Variants in KIF3C observed in about 807,000 individuals in gnomAD.
KIF3C encodes the protein kinesin family member 3C, also known as kinesin-like protein KIF3C.
Under a neutral mutation model 67.7 loss-of-function variants are expected in KIF3C, and 12 were observed. The ratio of observed to expected loss-of-function variants is 0.18; its 90% CI spans 0.11 to 0.29. The LOEUF (loss-of-function observed/expected upper bound fraction) is 0.29. Ranked by LOEUF, KIF3C falls within the 10% of genes least tolerant of loss-of-function variation. KIF3C has a pLI of 1.00. For synonymous variants in KIF3C, 393 were observed against 426.2 expected, an observed-to-expected ratio of 0.92 and a Z score of 0.96; for missense variants, 789 against 1,059.6, an observed-to-expected ratio of 0.74 and a Z score of 3.55.
chr2:25,946,381 C>T (rs1303269218), intron 5 of KIF3C, among the ~76,000 whole-genome samples: 2 of 151,618 alleles, frequency 1.3e-5, no homozygotes, highest in Non-Finnish European at 2.9e-5. Context: ...ATGGTAAAAC[C>T]CCATCTCTAC....
chr2:25,962,930 T>TATATATAATATATA (rs1664011719), intron 1 of KIF3C, among the ~76,000 whole-genome samples: 1 of 41,668 alleles, frequency 2.4e-5, no homozygotes, highest in South Asian at 5.9e-4. Flanking sequence ...TAATATATAA[T>TATATATAATATATA]ACATATAATA....
chr2:25,933,961 T>A, intron 5 of KIF3C: 1 of 309,138 alleles, frequency 3.2e-6, no homozygotes. Context: ...AAGTGGAAAT[T>A]ACCGAAATGT....
At chr2:25,946,270 G>C (rs1663430517) in intron 5 of KIF3C, among the ~76,000 whole-genome samples, 1 of 152,136 alleles carries the variant, frequency 6.6e-6, no homozygotes, top group South Asian at 2.1e-4. Flanking sequence ...GAGGAAAGGT[G>C]GGGGCCAGGT....
chr2:25,973,554 A>G (rs1247880358), intron 1 of KIF3C, among the ~76,000 whole-genome samples: 1 of 2,078 alleles, frequency 4.8e-4, no homozygotes, highest in Non-Finnish European at 1.5e-3. Context: ...ACTCTGTCTC[A>G]AAAAAAAAAA....
chr2:25,977,308 G>A (rs1664442862), intron 1 of KIF3C, among the ~76,000 whole-genome samples: 1 of 152,156 alleles, frequency 6.6e-6, no homozygotes, highest in Non-Finnish European at 1.5e-5. Context: ...GAGAGTGAAT[G>A]AGGGCACTGG....
In KIF3C at chr2:25,981,994, A is replaced by G; in HGVS notation, c.-77T>C. Reference sequence around the variant, plus strand: ...CTGCTATCCTGCTCGCTAGGTCGGGATCAGCGGGGCCGGCCCAGCCCCCAG... The same window carrying G: ...CTGCTATCCTGCTCGCTAGGTCGGGGTCAGCGGGGCCGGCCCAGCCCCCAG... On this transcript the variant is annotated 5_prime_UTR_variant, in exon 1 of 8. Coordinates refer to ENST00000264712, the MANE Select transcript of KIF3C (RefSeq NM_002254.8). The surrounding 1 kb of genome is among the most constrained non-coding windows in gnomAD (Gnocchi z 8.2). 1 of 1,253,042 alleles carries G rather than the reference A, an allele frequency of 8.0e-7. No homozygotes were observed. Among genetic ancestry groups the G allele is most frequent in the Non-Finnish European group, 1.1e-6 (1 of 922,900 alleles). The allele number at this position is 1,253,042 out of a possible 1,614,324, so 77.6% of individuals were successfully genotyped here.
rs1299635447 is a variant in KIF3C, at chr2:25,951,801, A to G, written c.1994T>C (p.Val665Ala). ...EEEQWKFQPL[V>A]PAGVSSSQMK... Reference sequence around the variant, plus strand: ...GTTAGAGACTCACACGCCGGCTGGCACCAGTGGCTGGAACTTCCACTGCTC... The same window carrying G: ...GTTAGAGACTCACACGCCGGCTGGCGCCAGTGGCTGGAACTTCCACTGCTC... Residue 665 changes from valine (V) to alanine (A), a missense_variant, in exon 5 of 8, where the codon GTG becomes GCG. Physicochemically the swap from Val to Ala is moderately conservative, Grantham distance 64. This residue lies in a region of KIF3C where 648 missense variants were observed against 807.8 expected (regional missense o/e 0.80). Transcript: ENST00000264712. 6.2e-7 allele frequency: 1 copy of G among 1,612,880 alleles called. No individual in the cohort carries two copies. Among genetic ancestry groups the G allele is most frequent in the Admixed American group, 1.7e-5 (1 of 60,016 alleles).
intron 1 of KIF3C, among the ~76,000 whole-genome samples, chr2:25,979,559 A>G (rs72856508): frequency 1.8e-3 from 270 of 152,316 alleles, no homozygotes; most frequent in African/African-American, 6.2e-3. Flanking sequence ...AATGAGCTGT[A>G]GAATGGCTAG....
In KIF3C at chr2:25,963,196, AT is replaced by A. The variant is rs1165957083; in HGVS notation, c.1546-6753del. 6.0e-3 allele frequency among the ~76,000 whole-genome samples: 259 copies of A among 43,250 alleles called. 2 individuals are homozygous for A. Among genetic ancestry groups the A allele is most frequent in the East Asian group, 0.03 (38 of 1,252 alleles). The allele number at this position is 43,250 out of a possible 152,430, so 28.4% of individuals were successfully genotyped here. A position where few individuals can be genotyped will look rare whatever the true frequency, so the allele number is the denominator to read the frequency against. ...TGTGTATATATATATATATATATAT[AT>A]TTTTTTTTTTTTTTTTTTTTTTTTT... On this transcript the variant is annotated intron_variant, in intron 1 of 7. Transcript: ENST00000264712.
At chr2:25,948,541 A>C (rs1039083548) in intron 5 of KIF3C, among the ~76,000 whole-genome samples, 3 of 152,010 alleles carry the variant, frequency 2.0e-5, no homozygotes, top group Middle Eastern at 3.2e-3. Context: ...CTCAAGAAAA[A>C]AGAAAGCAAG....
At position 25,982,402 on chromosome 2, in the gene KIF3C, C is replaced by A. The variant is rs73920220; in HGVS notation, c.-485G>T. On this transcript the variant is annotated 5_prime_UTR_variant, in exon 1 of 8. Coordinates refer to ENST00000264712, the MANE Select transcript of KIF3C (RefSeq NM_002254.8). ...CAGAGGCTCACCTGGAGTCCTCCCC[C>A]CAAGCTGGGGGATCATTCATTGCAG... is the stretch of plus-strand genomic sequence containing the variant. The A allele has an allele frequency of 2.3e-3, 932 of 398,658 alleles. 5 individuals carry two copies. The highest frequency in any genetic ancestry group is 3.2e-3 in the Non-Finnish European group (714 of 226,074). The allele number at this position is 398,658 out of a possible 1,614,324, so 24.7% of individuals were successfully genotyped here. A position where few individuals can be genotyped will look rare whatever the true frequency, so the allele number is the denominator to read the frequency against.
rs199887505 is a variant in KIF3C at position 25,980,416 on chromosome 2, C to T, written c.1502G>A (p.Arg501Gln). ...CAGCTCTGTGGCCTGCTGTTCCCGC[C>T]GCAGGTCCTCCAGCATCTTCTCCTT... ...EEKEKMLEDL[R>Q]REQQATELLA... The change falls in exon 1 of 8, where the codon CGG becomes CAG. Residue 501 changes from arginine to glutamine, a missense_variant. By Grantham distance (43) the Arg-to-Gln change is conservative. This residue lies in a region of KIF3C where 648 missense variants were observed against 807.8 expected (regional missense o/e 0.80). Coordinates refer to ENST00000264712, the MANE Select transcript of KIF3C (RefSeq NM_002254.8). The surrounding 1 kb of genome is among the most constrained non-coding windows in gnomAD (Gnocchi z 7.6). 300 of 1,613,986 alleles carry T rather than the reference C, an allele frequency of 1.9e-4. No individual in the cohort carries two copies. In the East Asian group the frequency reaches 2.2e-3, roughly 12 times the overall value.
In KIF3C at chr2:25,958,796, C is replaced by A. The variant is rs939001667; in HGVS notation, c.1546-2352G>T. On this transcript the variant is annotated intron_variant, in intron 1 of 7. Transcript: ENST00000264712. The surrounding 1 kb of genome is among the most constrained non-coding windows in gnomAD (Gnocchi z 4.5). Reference sequence around the variant, plus strand: ...AAGAGAATTCCAGCTCCCTGGGGGCCCGGTGCGGTGGCTAGCGCCTGTAAT... The same window carrying A: ...AAGAGAATTCCAGCTCCCTGGGGGCACGGTGCGGTGGCTAGCGCCTGTAAT... Among the ~76,000 whole-genome samples the A allele has an allele frequency of 6.6e-6, 1 of 151,862 alleles. No homozygotes were observed. The highest frequency in any genetic ancestry group is 2.4e-5 in the African/African-American group (1 of 41,350).
rs1194940771 is a variant in KIF3C, at chr2:25,980,777, G to T, written c.1141C>A (p.Arg381=). 1 of 1,614,170 alleles carries T rather than the reference G, an allele frequency of 6.2e-7. No homozygotes were observed. The highest frequency in any genetic ancestry group is 1.1e-5 in the South Asian group (1 of 91,082). The change falls in exon 1 of 8, where the codon CGG becomes AGG. Residue 381 remains arginine (R), a synonymous_variant. Transcript: ENST00000264712. The surrounding 1 kb of genome is among the most constrained non-coding windows in gnomAD (Gnocchi z 7.6). The part of the protein sequence containing the change: ...VNEDPKDTLL[R]EFQEEIARLK... ...CGGGCAATCTCCTCTTGGAATTCCC[G>T]CAGCAGTGTGTCCTTGGGGTCCTCG...
chr2:25,980,393 G>C lies in KIF3C; in HGVS notation c.1525C>G (p.Leu509Val). 1 of 1,613,720 alleles carries C rather than the reference G, an allele frequency of 6.2e-7. No homozygotes were observed. Among genetic ancestry groups the C allele is most frequent in the Middle Eastern group, 1.7e-4 (1 of 6,054 alleles). Residue 509 changes from leucine to valine, a missense_variant, in exon 1 of 8, where the codon CTG becomes GTG. This residue lies in a region of KIF3C where 648 missense variants were observed against 807.8 expected (regional missense o/e 0.80). Transcript: ENST00000264712. The surrounding 1 kb of genome is among the most constrained non-coding windows in gnomAD (Gnocchi z 7.6). ...DLRREQQATELLAAKYKAMES... is the reference protein window; with the variant it reads ...DLRREQQATEVLAAKYKAMES... ...CTTACCTTGTACTTGGCCGCAAGCA[G>C]CTCTGTGGCCTGCTGTTCCCGCCGC... is the stretch of plus-strand genomic sequence containing the variant.
intron 1 of KIF3C, among the ~76,000 whole-genome samples, chr2:25,979,249 T>C (rs748854419): frequency 7.2e-5 from 11 of 152,078 alleles, no homozygotes; most frequent in Non-Finnish European, 1.3e-4. Flanking sequence ...AATAGGTCTA[T>C]GACTGGACAG....
chr2:25,970,434 G>A (rs1362113458), intron 1 of KIF3C, among the ~76,000 whole-genome samples: 4 of 152,148 alleles, frequency 2.6e-5, no homozygotes, highest in South Asian at 2.1e-4. Flanking sequence ...TTGGGAGGCC[G>A]AGGCAGGCGG....
chr2:25,959,316 C>A (rs114618908), intron 1 of KIF3C, among the ~76,000 whole-genome samples: 2 of 152,294 alleles, frequency 1.3e-5, no homozygotes, highest in African/African-American at 2.4e-5. Flanking sequence ...TGCTGTCCCC[C>A]CTGTGAGCTC....
At chr2:25,930,246 G>A (rs2090448265) in intron 5 of KIF3C, among the ~76,000 whole-genome samples, 183 bp from the exon 6 acceptor site, 3 of 152,180 alleles carry the variant, frequency 2.0e-5, no homozygotes, top group Admixed American at 1.3e-4. Context: ...CCCCTCATCC[G>A]TGGTTTCGCT....
Sources: gnomAD v4.1 joint callset for allele counts (sites outside exome capture counted in the v4.1 genomes callset) on GRCh38, gnomAD v4.1.1 for gene constraint, gnomAD v4.1.1 regional missense constraint, Gnocchi (gnomAD v3.1) non-coding constraint, MANE v1.5 for transcripts, NCBI Gene and HGNC (gene_info 2026-07-23, HGNC 2026-07-21) for gene names.